NRIP1: variants seen among roughly 807,000 people sequenced by gnomAD.
The protein encoded by NRIP1 is nuclear receptor-interacting protein 1.
A neutral mutation model predicts 75.0 loss-of-function variants in NRIP1; 28 were observed. The observed-to-expected ratio is 0.37, with a 90% CI of 0.28 to 0.51. NRIP1 has a LOEUF of 0.51. NRIP1 is among the 20% of genes least tolerant of loss of function. The pLI, the probability that NRIP1 is intolerant of heterozygous loss-of-function variation, is 0.92. For synonymous variants in NRIP1, 526 were observed against 487.6 expected (o/e 1.08, Z -1.04); for missense variants, 1,435 against 1,343.7 (o/e 1.07, Z -1.06).
At chr21:15,001,961 T>G (rs1398255188) in intron 3 of NRIP1, among the ~76,000 whole-genome samples, 1 of 152,160 alleles carries the variant, frequency 6.6e-6, no homozygotes, top group Non-Finnish European at 1.5e-5. Context: ...ATCAATCAGG[T>G]TATGTTCCCG....
chr21:15,023,240 T>A (rs937864433), intron 2 of NRIP1, among the ~76,000 whole-genome samples: 1 of 152,150 alleles, frequency 6.6e-6, no homozygotes, highest in Non-Finnish European at 1.5e-5. Flanking sequence ...AGTAAAGCTA[T>A]AAAAATGACT....
intron 2 of NRIP1, among the ~76,000 whole-genome samples, chr21:15,028,413 G>A (rs1053713393): frequency 2.0e-5 from 3 of 152,114 alleles, no homozygotes; most frequent in South Asian, 2.1e-4. Flanking sequence ...GGGTAAGATC[G>A]CCTATTTAAT....
intron 1 of NRIP1, among the ~76,000 whole-genome samples, chr21:15,056,368 T>C (rs1398521302): frequency 6.6e-6 from 1 of 152,092 alleles, no homozygotes; most frequent in Non-Finnish European, 1.5e-5. Context: ...AGTAGATTTT[T>C]AGCAATACAG....
In NRIP1 at chr21:14,966,096, A is replaced by G. The variant is rs2086729789; in HGVS notation, c.2097T>C (p.Ser699=). Residue 699 remains serine, a synonymous_variant, in exon 4 of 4, where the codon TCT becomes TCC. Coordinates refer to ENST00000318948, the MANE Select transcript of NRIP1 (RefSeq NM_003489.4). ...CAAGCAGATTTTCTATTTCAGAACC[A>G]GAAAGCCCTGGTTCAGGACCTGTTG... ...SQPTGPEPGL[S]GSEIENLLER... The G allele has an allele frequency of 6.2e-7, 1 of 1,612,348 alleles. No homozygotes were observed.
intron 3 of NRIP1, among the ~76,000 whole-genome samples, chr21:15,009,101 C>G (rs1214617842): frequency 1.3e-5 from 2 of 152,168 alleles, no homozygotes; most frequent in African/African-American, 4.8e-5. Context: ...TGGTTTTCTT[C>G]AAACATAATC....
chr21:15,011,521 G>C (rs2088103387), intron 3 of NRIP1, among the ~76,000 whole-genome samples: 1 of 151,986 alleles, frequency 6.6e-6, no homozygotes, highest in African/African-American at 2.4e-5. Flanking sequence ...AATTTATATA[G>C]ATATTTTATG....
At position 14,966,888 on chromosome 21, in the gene NRIP1, A is replaced by G. The variant is rs1568939940; in HGVS notation, c.1305T>C (p.Tyr435=). ...ACAAGTCTATGGGAACACAGTTGGA[A>G]TAAGAACTTTCATCACCACTGCTGT... is the stretch of plus-strand genomic sequence containing the variant. ...TDDSSGDESS[Y]SNCVPIDLSC... Residue 435 remains tyrosine, a synonymous_variant, in exon 4 of 4, where the codon TAT becomes TAC. Coordinates refer to ENST00000318948, the MANE Select transcript of NRIP1 (RefSeq NM_003489.4). 29 of 1,614,140 alleles carry G rather than the reference A, an allele frequency of 1.8e-5. No homozygotes were observed. The highest frequency in any genetic ancestry group is 3.3e-4 in the Middle Eastern group (2 of 6,062).
At chr21:14,992,538 C>T (rs2087602308) in intron 3 of NRIP1, 1 of 151,914 alleles carries the variant, frequency 6.6e-6, no homozygotes, top group African/African-American at 2.4e-5. Flanking sequence ...CCCTCACCCC[C>T]CAAAAAGTCT....
At position 15,064,786 on chromosome 21, in the gene NRIP1, C is replaced by G. The variant is rs191517556; in HGVS notation, c.-579G>C. 1 of 148,378 alleles carries G rather than the reference C, an allele frequency of 6.7e-6. No individual in the cohort carries two copies. The highest frequency in any genetic ancestry group is 1.5e-5 in the Non-Finnish European group (1 of 66,612). The allele number at this position is 148,378 out of a possible 1,614,324, so 9.2% of individuals were successfully genotyped here. ...TCCCAGCCTCCGGCTCCGTCAGGCT[C>G]GGTCCGCGAAGGCGCCTGCCGCCCC... On this transcript the variant is annotated 5_prime_UTR_variant, in exon 1 of 4. Transcript: ENST00000318948.
intron 2 of NRIP1, among the ~76,000 whole-genome samples, chr21:15,015,350 T>C (rs759353785): frequency 3.9e-5 from 6 of 152,148 alleles, no homozygotes; most frequent in Non-Finnish European, 7.4e-5. Context: ...ATGTCAAAAC[T>C]TGTCAGATTG....
rs562455745 is a variant in NRIP1 at position 14,999,322 on chromosome 21, C to T, written c.-335+15022G>A. Reference sequence around the variant, plus strand: ...TTTCTTCTCAAATTTTAATACCTTTCTTCATAATACTAAATATGTTGTCAC... The same window carrying T: ...TTTCTTCTCAAATTTTAATACCTTTTTTCATAATACTAAATATGTTGTCAC... On this transcript the variant is annotated intron_variant, in intron 3 of 3. Coordinates refer to ENST00000318948, the MANE Select transcript of NRIP1 (RefSeq NM_003489.4). Among the ~76,000 whole-genome samples the T allele has an allele frequency of 1.6e-4, 25 of 152,150 alleles. 2 individuals are homozygous for T. The South Asian group carries it at 5.2e-3, about 32-fold the overall frequency.
chr21:15,042,721 G>A (rs916572259), intron 2 of NRIP1, among the ~76,000 whole-genome samples: 1 of 152,156 alleles, frequency 6.6e-6, no homozygotes, highest in African/African-American at 2.4e-5. Flanking sequence ...TGGCACCTTG[G>A]TCTTGGACTT....
chr21:14,972,790 A>C (rs1334299482), intron 3 of NRIP1, among the ~76,000 whole-genome samples: 1 of 152,180 alleles, frequency 6.6e-6, no homozygotes, highest in Non-Finnish European at 1.5e-5. Context: ...AGATTCTTAT[A>C]AACAGTGGGG....
chr21:15,001,721 T>C (rs1568971362), intron 3 of NRIP1, among the ~76,000 whole-genome samples: 1 of 152,162 alleles, frequency 6.6e-6, no homozygotes, highest in Admixed American at 6.5e-5. Flanking sequence ...TCTTTTCTTT[T>C]TTTCATGAAA....
intron 2 of NRIP1, among the ~76,000 whole-genome samples, chr21:15,025,281 C>G (rs377608548): frequency 5.9e-5 from 9 of 151,684 alleles, no homozygotes; most frequent in African/African-American, 2.2e-4. Context: ...AGGTTTCTCA[C>G]TATAAGAGGA....
rs761863391 is a variant in NRIP1, at chr21:14,963,453, T to C, written c.*1263A>G. 6 of 152,502 alleles carry C rather than the reference T, an allele frequency of 3.9e-5. No individual in the cohort carries two copies. Among genetic ancestry groups the C allele is most frequent in the Non-Finnish European group, 8.8e-5 (6 of 67,972 alleles). 9.4% of individuals were successfully genotyped at this position (152,502 alleles called of 1,614,324 possible). A position where few individuals can be genotyped will look rare whatever the true frequency, so the allele number is the denominator to read the frequency against. On this transcript the variant is annotated 3_prime_UTR_variant, in exon 4 of 4. Transcript: ENST00000318948. ...TATCCCCTCCACCCAATTTTTGTCA[T>C]AAAAAGTGTTCTGAACCCGATTTCC...
chr21:14,987,206 C>T (rs1312426161), intron 3 of NRIP1, among the ~76,000 whole-genome samples: 1 of 152,186 alleles, frequency 6.6e-6, no homozygotes, highest in East Asian at 1.9e-4. Context: ...GAAAGTTTAT[C>T]ATTATTAAAC....
At chr21:15,033,255 A>T (rs1289774412) in intron 2 of NRIP1, among the ~76,000 whole-genome samples, 1 of 151,416 alleles carries the variant, frequency 6.6e-6, no homozygotes, top group Admixed American at 6.6e-5. Context: ...ACTGCATACT[A>T]TGTGCCAGGA....
intron 3 of NRIP1, among the ~76,000 whole-genome samples, chr21:14,980,436 TG>T (rs1945734807): frequency 6.6e-6 from 1 of 151,750 alleles, no homozygotes; most frequent in African/African-American, 2.4e-5. Flanking sequence ...ATCGCACTAT[TG>T]CACTCCAGCT....
Sources: allele counts gnomAD v4.1 joint callset (sites outside exome capture counted in the v4.1 genomes callset), GRCh38; gene constraint gnomAD v4.1.1; transcripts MANE v1.5; gene names NCBI Gene and HGNC (gene_info 2026-07-23, HGNC 2026-07-21).